The following GRID2 variants were observed in gnomAD, a reference collection of about 807,000 sequenced individuals.
GRID2 encodes glutamate receptor ionotropic, delta-2.
Under a neutral mutation model 114.8 loss-of-function variants are expected in GRID2, and 33 were observed. The observed-to-expected ratio is 0.29, with a 90% CI of 0.22 to 0.38. GRID2 has a LOEUF of 0.38. Among genes scored for constraint, GRID2 ranks in the 10% least tolerant of loss-of-function variants. The probability of loss-of-function intolerance (pLI) is 1.00; values close to 1 mark genes in which losing one functional copy is unlikely to be tolerated. For synonymous variants in GRID2, 505 were observed against 449.9 expected (o/e 1.12, Z -1.55); for missense variants, 1,184 against 1,257.7 (o/e 0.94, Z 0.89).
chr4:93,751,336 T>C (rs1247690001), intron 14 of GRID2, among the ~76,000 whole-genome samples: 1 of 152,180 alleles, frequency 6.6e-6, no homozygotes, highest in Non-Finnish European at 1.5e-5. Flanking sequence ...AATATATGAA[T>C]TCCCCTAGGG....
At chr4:93,597,578 T>C (rs1739230216) in intron 13 of GRID2, among the ~76,000 whole-genome samples, 1 of 152,198 alleles carries the variant, frequency 6.6e-6, no homozygotes. Context: ...GAACTTCCTA[T>C]AATTCCCTCA....
intron 2 of GRID2, among the ~76,000 whole-genome samples, chr4:93,042,633 A>ATG (rs2149270645): frequency 6.9e-6 from 1 of 144,572 alleles, no homozygotes; most frequent in East Asian, 2.0e-4. Context: ...CTCTATATAT[A>ATG]TATATATATT....
At chr4:93,743,496 T>C (rs1013706549) in intron 14 of GRID2, among the ~76,000 whole-genome samples, 9 of 152,162 alleles carry the variant, frequency 5.9e-5, no homozygotes, top group African/African-American at 2.2e-4. Flanking sequence ...TAAAGGTTTT[T>C]TGGTTCATGA....
intron 13 of GRID2, among the ~76,000 whole-genome samples, chr4:93,517,949 ATG>A (rs1451082867): frequency 1.2e-4 from 4 of 32,458 alleles, no homozygotes; most frequent in Non-Finnish European, 2.8e-4. Flanking sequence ...ATATACATAC[ATG>A]TATATGTATG....
chr4:92,997,454 A>C (rs922997384), intron 2 of GRID2, among the ~76,000 whole-genome samples: 15 of 152,156 alleles, frequency 9.9e-5, no homozygotes, highest in African/African-American at 3.6e-4. Flanking sequence ...CCTTGGAGAT[A>C]TAAATTATTA....
Position 93,140,102 on chromosome 4 carries a change from C to T in GRID2, c.735+29149C>T, listed in dbSNP as rs1442927482. 2.6e-5 allele frequency among the ~76,000 whole-genome samples: 4 copies of T among 151,460 alleles called. No homozygotes were observed. In the East Asian group the frequency reaches 5.8e-4, roughly 22 times the overall value. ...TGGATGTGCCAAGTAAGGGTTTGAT[C>T]GTCTCTGCCATCCCTTAATCTCCAT... On this transcript the variant is annotated intron_variant, in intron 4 of 15. Coordinates refer to ENST00000282020, the MANE Select transcript of GRID2 (RefSeq NM_001510.4).
intron 3 of GRID2, among the ~76,000 whole-genome samples, chr4:93,106,497 C>T (rs1281582255): frequency 6.6e-6 from 1 of 152,162 alleles, no homozygotes; most frequent in African/African-American, 2.4e-5. Flanking sequence ...CGAGCATGCA[C>T]CACCACACCC....
Position 93,067,329 on chromosome 4 carries a change from A to G in GRID2, c.245-17666A>G, listed in dbSNP as rs1269972211. Among the ~76,000 whole-genome samples the G allele has an allele frequency of 3.9e-5, 6 of 151,984 alleles. No individual in the cohort carries two copies. In the East Asian group the frequency reaches 1.2e-3, roughly 29 times the overall value. On this transcript the variant is annotated intron_variant, in intron 2 of 15. Transcript: ENST00000282020. ...CTAATAAAATACCTTTGATTGTGTA[A>G]TTTATAAACAAAAGAAATGTACCTC...
Position 92,442,399 on chromosome 4 carries a change from C to T in GRID2, c.88+137655C>T, listed in dbSNP as rs542114681. 1.4e-4 allele frequency among the ~76,000 whole-genome samples: 21 copies of T among 152,092 alleles called. 1 individual carries two copies. Among genetic ancestry groups the T allele is most frequent in the Middle Eastern group, 6.8e-3 (2 of 292 alleles). On this transcript the variant is annotated intron_variant, in intron 1 of 15. Coordinates refer to ENST00000282020, the MANE Select transcript of GRID2 (RefSeq NM_001510.4). Reference sequence around the variant, plus strand: ...TCCGGGCTGCGGGCATTCCTTGGCCCGGTGGCCAGATTTCCGGCAAGTGTA... The same window carrying T: ...TCCGGGCTGCGGGCATTCCTTGGCCTGGTGGCCAGATTTCCGGCAAGTGTA...
At chr4:93,007,903 T>C (rs915720266) in intron 2 of GRID2, among the ~76,000 whole-genome samples, 1 of 151,630 alleles carries the variant, frequency 6.6e-6, no homozygotes, top group African/African-American at 2.4e-5. Context: ...TAGCTGGCCA[T>C]CATGGTGGGC....
In GRID2 at chr4:93,125,903, A is replaced by G. The variant is rs566750996; in HGVS notation, c.735+14950A>G. Among the ~76,000 whole-genome samples the G allele has an allele frequency of 4.6e-5, 7 of 152,320 alleles. No homozygotes were observed. The South Asian group carries it at 1.4e-3, about 32-fold the overall frequency. On this transcript the variant is annotated intron_variant, in intron 4 of 15. Transcript: ENST00000282020. ...GCTCTCTTCACTGCTTATGACAGGC[A>G]TCCTTTCTCATGGAAGATGTCCTAT...
chr4:93,747,930 A>G (rs994245240), intron 14 of GRID2, among the ~76,000 whole-genome samples: 1 of 152,082 alleles, frequency 6.6e-6, no homozygotes, highest in Non-Finnish European at 1.5e-5. Context: ...GATAAGTACT[A>G]TTTTTCAACT....
At chr4:92,698,199 G>A (rs17257464) in intron 2 of GRID2, among the ~76,000 whole-genome samples, 8,277 of 152,128 alleles carry the variant, frequency 0.054, 229 homozygotes, top group Middle Eastern at 0.11. Flanking sequence ...GCAGAGTAAC[G>A]AGTGCCATAA....
intron 14 of GRID2, among the ~76,000 whole-genome samples, chr4:93,741,924 C>CAAAA (rs34316739): frequency 9.4e-6 from 1 of 106,452 alleles, no homozygotes; most frequent in Non-Finnish European, 2.0e-5. Flanking sequence ...GACTCTGTCT[C>CAAAA]AAAAAAAAAA....
intron 8 of GRID2, among the ~76,000 whole-genome samples, chr4:93,361,962 A>G (rs565884194): frequency 6.6e-6 from 1 of 152,050 alleles, no homozygotes; most frequent in Non-Finnish European, 1.5e-5. Context: ...CATATGCATT[A>G]GCTATTTATC....
At chr4:92,793,725 C>T (rs1353146723) in intron 2 of GRID2, among the ~76,000 whole-genome samples, 1 of 151,792 alleles carries the variant, frequency 6.6e-6, no homozygotes, top group East Asian at 1.9e-4. Flanking sequence ...TGGCTCTCTA[C>T]TTTCTCTTGG....
chr4:93,247,059 C>T (rs754627787), intron 8 of GRID2, among the ~76,000 whole-genome samples: 2 of 152,164 alleles, frequency 1.3e-5, no homozygotes, highest in African/African-American at 2.4e-5. Flanking sequence ...GCAGCATTCA[C>T]TGCCTCTTGG....
intron 2 of GRID2, among the ~76,000 whole-genome samples, chr4:92,987,096 A>G (rs988639544): frequency 3.3e-5 from 5 of 152,206 alleles, no homozygotes; most frequent in South Asian, 2.1e-4. Context: ...TTTATAACTG[A>G]TTTACATTAA....
At chr4:93,328,856 A>G (rs761997425) in intron 8 of GRID2, among the ~76,000 whole-genome samples, 11 of 152,140 alleles carry the variant, frequency 7.2e-5, no homozygotes, top group Non-Finnish European at 1.2e-4. Flanking sequence ...GAATTCATCA[A>G]TCATTCATTG....
Sources: gnomAD v4.1 joint callset for allele counts (sites outside exome capture counted in the v4.1 genomes callset) on GRCh38, gnomAD v4.1.1 for gene constraint, MANE v1.5 for transcripts, NCBI Gene and HGNC (gene_info 2026-07-23, HGNC 2026-07-21) for gene names.